The following RBBP6 variants were observed in gnomAD, a reference collection of about 807,000 sequenced individuals.
RBBP6 encodes the protein RB binding protein 6, ubiquitin ligase.
RBBP6 carries 25 observed loss-of-function variants against 167.7 expected under a neutral mutation model. The ratio of observed to expected loss-of-function variants is 0.15; its 90% CI spans 0.11 to 0.21. RBBP6 has a LOEUF of 0.21. RBBP6 is among the 10% of genes least tolerant of loss of function. The pLI is 1.00. For synonymous variants in RBBP6, 789 were observed against 735.8 expected (o/e 1.07, Z -1.17); for missense variants, 1,868 against 2,134.2 (o/e 0.88, Z 2.46).
intron 14 of RBBP6, 52 bp downstream of exon 14, chr16:24,564,917 A>G (rs1019007176): frequency 5.1e-6 from 8 of 1,557,174 alleles, no homozygotes; most frequent in Non-Finnish European, 5.2e-6. Context: ...TTATATATAT[A>G]TCTCACCAAA....
Position 24,572,037 on chromosome 16 carries a change from T to C in RBBP6, c.4971T>C (p.Ser1657=). ...ATGTTTCTGTAAAAGAAGAGGAATC[T>C]TCAGGAAACATTTCTAAGGACCTGA... is the stretch of plus-strand genomic sequence containing the variant. ...ESNVSVKEEE[S]SGNISKDLKD... Residue 1657 remains serine (S), a synonymous_variant, in exon 18 of 18, where the codon TCT becomes TCC. Coordinates refer to ENST00000319715, the MANE Select transcript of RBBP6 (RefSeq NM_006910.5). The C allele has an allele frequency of 6.2e-7, 1 of 1,614,182 alleles. No individual in the cohort carries two copies. The highest frequency in any genetic ancestry group is 8.5e-7 in the Non-Finnish European group (1 of 1,180,020).
In RBBP6 at chr16:24,568,831, C is replaced by G. The variant is rs772826182; in HGVS notation, c.2141C>G (p.Ser714Cys). The G allele has an allele frequency of 6.8e-6, 11 of 1,614,142 alleles. No homozygotes were observed. The highest frequency in any genetic ancestry group is 1.3e-5 in the African/African-American group (1 of 74,948). ...KSRSGSTRSR[S>C]YSRSFSRSHS... The stretch of plus-strand genomic sequence containing the variant: ...AGATCTGGTTCAACACGTTCACGCT[C>G]TTATTCTCGATCATTCAGCCGCTCA... The change falls in exon 17 of 18, where the codon TCT (serine) becomes TGT (cysteine). Residue 714 changes from serine (S) to cysteine (C), a missense_variant. Physicochemically the swap from Ser to Cys is moderately radical, Grantham distance 112. Transcript: ENST00000319715.
intron 12 of RBBP6, 29 bp downstream of exon 12, chr16:24,563,530 T>G: frequency 6.2e-7 from 1 of 1,612,224 alleles, no homozygotes; most frequent in Non-Finnish European, 8.5e-7. Flanking sequence ...GTTTAGACCT[T>G]TTTCCCTTTA....
chr16:24,569,237 A>G lies in RBBP6; in HGVS notation c.2547A>G (p.Ala849=). 4.3e-6 allele frequency: 7 copies of G among 1,613,884 alleles called. No individual in the cohort carries two copies. Among genetic ancestry groups the G allele is most frequent in the Non-Finnish European group, 5.9e-6 (7 of 1,179,958 alleles). ...EKYYKGYAAG[A]QPRPSANREN... ...ATTATAAAGGTTATGCTGCTGGAGC[A>G]CAGCCTAGACCCTCAGCAAATAGAG... The change falls in exon 17 of 18, where the codon GCA becomes GCG. Residue 849 remains alanine, a synonymous_variant. Transcript: ENST00000319715.
At chr16:24,567,942 A>G in intron 16 of RBBP6, 49 bp downstream of exon 16, 1 of 1,445,506 alleles carries the variant, frequency 6.9e-7, no homozygotes, top group South Asian at 1.2e-5. Flanking sequence ...GGGACTTTGA[A>G]TATCCAGGGA....
At position 24,570,027 on chromosome 16, in the gene RBBP6, G is replaced by T; in HGVS notation, c.3337G>T (p.Asp1113Tyr). 1 of 1,605,666 alleles carries T rather than the reference G, an allele frequency of 6.2e-7. No homozygotes were observed. Among genetic ancestry groups the T allele is most frequent in the Non-Finnish European group, 8.5e-7 (1 of 1,178,160 alleles). Residue 1113 changes from aspartate (D) to tyrosine (Y), a missense_variant, in exon 17 of 18, where the codon GAC (aspartate) becomes TAC (tyrosine). This residue lies in a region of RBBP6 where 673 missense variants were observed against 691.5 expected (regional missense o/e 0.97). Transcript: ENST00000319715. Reference protein sequence around the residue: ...KPVKEEKVKKDYSKDVKSEKL... With the variant: ...KPVKEEKVKKYYSKDVKSEKL... ...AGTCAAAGAGGAAAAAGTGAAGAAG[G>T]ACTATTCCAAAGATGTCAAATCAGA...
chr16:24,567,397 G>T lies in RBBP6; in HGVS notation c.1844G>T (p.Trp615Leu). The T allele has an allele frequency of 6.2e-7, 1 of 1,614,116 alleles. No homozygotes were observed. ...PPAPANLSTPWVSSGVQTAHS... is the reference protein window; with the variant it reads ...PPAPANLSTPLVSSGVQTAHS... ...GCTCCTGCCAATTTATCAACACCTTGGGTATCATCAGGAGTGCAGACAGCT... is the reference window on the plus strand; with the variant it reads ...GCTCCTGCCAATTTATCAACACCTTTGGTATCATCAGGAGTGCAGACAGCT... Residue 615 changes from tryptophan to leucine, a missense_variant, in exon 15 of 18, where the codon TGG becomes TTG. This residue lies in a region of RBBP6 where 145 missense variants were observed against 224.3 expected (regional missense o/e 0.65). Transcript: ENST00000319715.
chr16:24,543,072 A>G (rs560390399), intron 1 of RBBP6, among the ~76,000 whole-genome samples: 1 of 152,220 alleles, frequency 6.6e-6, no homozygotes, highest in Non-Finnish European at 1.5e-5. Context: ...TTTATGGGAA[A>G]TAGTATCCAA....
At position 24,539,575 on chromosome 16, in the gene RBBP6, C is replaced by G. The variant is rs1360929782; in HGVS notation, c.-1052C>G. ...CTGCTTAAGAGACCCCGCAGTGGGG[C>G]GCTCGTCCGAAGCCAGGCCGCGTCC... On this transcript the variant is annotated 5_prime_UTR_variant, in exon 1 of 18. Coordinates refer to ENST00000319715, the MANE Select transcript of RBBP6 (RefSeq NM_006910.5). The G allele has an allele frequency of 2.0e-5, 3 of 152,152 alleles. No homozygotes were observed. The highest frequency in any genetic ancestry group is 2.0e-4 in the Admixed American group (3 of 15,262). The allele number at this position is 152,152 out of a possible 1,614,324, so 9.4% of individuals were successfully genotyped here.
In RBBP6 at chr16:24,571,928, C is replaced by T. The variant is rs765253020; in HGVS notation, c.4862C>T (p.Ser1621Phe). Reference sequence around the variant, plus strand: ...AAGCCTAAACCCCAGTTAAGTCATTCCTCTAGACTTTCCTCTGACTTAACT... The same window carrying T: ...AAGCCTAAACCCCAGTTAAGTCATTTCTCTAGACTTTCCTCTGACTTAACT... ...TVKPKPQLSH[S>F]SRLSSDLTRE... The change falls in exon 18 of 18, where the codon TCC (serine) becomes TTC (phenylalanine). Residue 1621 changes from serine (S) to phenylalanine (F), a missense_variant. Transcript: ENST00000319715. The T allele has an allele frequency of 3.1e-6, 5 of 1,613,878 alleles. No individual in the cohort carries two copies. Among genetic ancestry groups the T allele is most frequent in the African/African-American group, 2.7e-5 (2 of 74,876 alleles).
At chr16:24,546,516 C>G (rs1004439924) in intron 2 of RBBP6, among the ~76,000 whole-genome samples, 2 of 152,112 alleles carry the variant, frequency 1.3e-5, no homozygotes, top group Non-Finnish European at 2.9e-5. Flanking sequence ...TTTACAGATA[C>G]AAGAAAGTGA....
chr16:24,567,995 G>T, intron 16 of RBBP6, 102 bp downstream of exon 16: 1 of 958,368 alleles, frequency 1.0e-6, no homozygotes, highest in Non-Finnish European at 1.6e-6. Flanking sequence ...GAATTTTTCT[G>T]ATTCGGTCTA....
At chr16:24,562,294 TGACTTA>T in intron 10 of RBBP6, 133 bp downstream of exon 10, 1 of 842,514 alleles carries the variant, frequency 1.2e-6, no homozygotes, top group Admixed American at 2.7e-5. Flanking sequence ...TTGTAAGAAG[TGACTTA>T]GTCTTATTGG....
At chr16:24,545,481 C>T (rs1360491911) in intron 1 of RBBP6, among the ~76,000 whole-genome samples, 1 of 152,054 alleles carries the variant, frequency 6.6e-6, no homozygotes, top group Non-Finnish European at 1.5e-5. Flanking sequence ...TGGTCTATAC[C>T]TTTCTGTCAT....
intron 10 of RBBP6, among the ~76,000 whole-genome samples, chr16:24,562,865 G>A (rs942961699): frequency 3.3e-5 from 5 of 152,152 alleles, no homozygotes; most frequent in African/African-American, 1.2e-4. Flanking sequence ...TTTCAGTTTA[G>A]TGGTAGAACT....
chr16:24,563,494 C>G lies in RBBP6; in HGVS notation c.1458C>G (p.Pro486=), dbSNP rs1899120447. ...CATTATTGCATGGACAGTTGATCCCCACAACTGGTGAGTAAGATCACTTTG... is the reference window on the plus strand; with the variant it reads ...CATTATTGCATGGACAGTTGATCCCGACAACTGGTGAGTAAGATCACTTTG... ...GQSLLHGQLI[P]TTGPVRINTA... Residue 486 remains proline (P), a synonymous_variant, in exon 12 of 18, where the codon CCC becomes CCG. Coordinates refer to ENST00000319715, the MANE Select transcript of RBBP6 (RefSeq NM_006910.5). 2 of 1,613,062 alleles carry G rather than the reference C, an allele frequency of 1.2e-6. No homozygotes were observed. Among genetic ancestry groups the G allele is most frequent in the Non-Finnish European group, 1.7e-6 (2 of 1,179,760 alleles).
At chr16:24,553,605 C>T in intron 4 of RBBP6, 48 bp downstream of exon 4, 2 of 1,430,504 alleles carry the variant, frequency 1.4e-6, no homozygotes, top group Non-Finnish European at 1.9e-6. Flanking sequence ...TTTCTAACAT[C>T]ATATTTTTTT....
chr16:24,566,695 T>C (rs1336924218), intron 14 of RBBP6, among the ~76,000 whole-genome samples: 2 of 152,128 alleles, frequency 1.3e-5, no homozygotes, highest in East Asian at 3.9e-4. Flanking sequence ...TGAGCCAAGA[T>C]TACACCACTG....
At chr16:24,563,856 T>C (rs570224936) in intron 13 of RBBP6, among the ~76,000 whole-genome samples, 192 bp downstream of exon 13, 3 of 151,976 alleles carry the variant, frequency 2.0e-5, no homozygotes, top group Non-Finnish European at 2.9e-5. Context: ...TGAGGGTTTT[T>C]TTTAAATGAG....
Sources: gnomAD v4.1 joint callset for allele counts (sites outside exome capture counted in the v4.1 genomes callset) on GRCh38, gnomAD v4.1.1 for gene constraint, gnomAD v4.1.1 regional missense constraint, MANE v1.5 for transcripts, NCBI Gene and HGNC (gene_info 2026-07-23, HGNC 2026-07-21) for gene names.